Variants in SH3YL1 observed in about 807,000 individuals in gnomAD.
SH3YL1 encodes the protein SH3 domain-containing YSC84-like protein 1.
Under a neutral mutation model 45.8 loss-of-function variants are expected in SH3YL1, and 41 were observed. That is an observed-to-expected ratio of 0.89 (90% CI 0.70 to 1.16). SH3YL1 has a LOEUF of 1.16. Among genes scored for constraint, SH3YL1 ranks in the 50% most tolerant of loss-of-function variants. The pLI, the probability that SH3YL1 is intolerant of heterozygous loss-of-function variation, is 0.00. For missense variants in SH3YL1, 389 were observed against 409.6 expected, an observed-to-expected ratio of 0.95 and a Z score of 0.43; for synonymous variants, 152 against 151.4, an observed-to-expected ratio of 1.00 and a Z score of -0.03.
intron 1 of SH3YL1, among the ~76,000 whole-genome samples, chr2:258,838 G>A (rs1572182953): frequency 2.0e-5 from 3 of 152,300 alleles, no homozygotes; most frequent in Admixed American, 2.0e-4. Flanking sequence ...AGTTGTTCTT[G>A]CCTGCTTTGC....
chr2:219,025 C>G (rs1330898597), intron 9 of SH3YL1, 24 bp from the exon 10 acceptor site: 2 of 1,587,586 alleles, frequency 1.3e-6, no homozygotes, highest in Non-Finnish European at 1.7e-6. Flanking sequence ...AAAGTATTCA[C>G]GTTTATGTTC....
chr2:230,124 G>C (rs566778645), intron 7 of SH3YL1, 80 bp from the exon 8 acceptor site: 1 of 1,076,538 alleles, frequency 9.3e-7, no homozygotes, highest in African/African-American at 1.6e-5. Context: ...TTTCTAATGA[G>C]GTTATGTAGC....
chr2:226,367 A>G (rs1055024418), intron 8 of SH3YL1, among the ~76,000 whole-genome samples: 1 of 152,222 alleles, frequency 6.6e-6, no homozygotes, highest in African/African-American at 2.4e-5. Flanking sequence ...CCCAATAGGA[A>G]AAATAGACCA....
chr2:231,294 T>C (rs1349104036), intron 6 of SH3YL1, 103 bp from the exon 7 acceptor site: 5 of 838,714 alleles, frequency 6.0e-6, no homozygotes, highest in Non-Finnish European at 9.1e-6. Flanking sequence ...TAATCATTCA[T>C]ACATAGCACT....
At chr2:243,285 A>G (rs1365472176) in intron 4 of SH3YL1, among the ~76,000 whole-genome samples, 1 of 152,212 alleles carries the variant, frequency 6.6e-6, no homozygotes, top group Non-Finnish European at 1.5e-5. Flanking sequence ...AGGCCATAAA[A>G]GAAGCCTTAA....
intron 8 of SH3YL1, among the ~76,000 whole-genome samples, chr2:226,326 C>T (rs1373355423): frequency 6.6e-6 from 1 of 152,134 alleles, no homozygotes; most frequent in African/African-American, 2.4e-5. Context: ...ATATAGATAA[C>T]ATTTCCATAA....
intron 8 of SH3YL1, among the ~76,000 whole-genome samples, chr2:226,933 A>G (rs3791221): frequency 0.3 from 45,954 of 151,936 alleles, 7,205 homozygotes; most frequent in Non-Finnish European, 0.35. Flanking sequence ...CATATGGTGG[A>G]TAGTAACCAT....
chr2:237,546 C>T (rs1317142149), intron 4 of SH3YL1, among the ~76,000 whole-genome samples: 1 of 152,044 alleles, frequency 6.6e-6, no homozygotes, highest in African/African-American at 2.4e-5. Flanking sequence ...GATAAGACTT[C>T]TTTAGAAGTC....
chr2:256,979 G>A (rs1461439070), intron 1 of SH3YL1, among the ~76,000 whole-genome samples: 1 of 152,176 alleles, frequency 6.6e-6, no homozygotes, highest in Non-Finnish European at 1.5e-5. Context: ...GATGACTAAT[G>A]ATGTTGAACA....
chr2:224,976 A>C, intron 8 of SH3YL1, 56 bp from the exon 9 acceptor site: 5 of 1,338,708 alleles, frequency 3.7e-6, no homozygotes, highest in Non-Finnish European at 5.3e-6. Context: ...ATATCATACA[A>C]AATACACAAA....
chr2:241,254 AAAGTACATT>A (rs1464316099), intron 4 of SH3YL1: 1 of 152,178 alleles, frequency 6.6e-6, no homozygotes, highest in Non-Finnish European at 1.5e-5. Flanking sequence ...CTGGAGGTAA[AAAGTACATT>A]AAGCAACATG....
upstream of SH3YL1, chr2:264,782 C>T (rs1177451234): frequency 1.4e-5 from 9 of 621,818 alleles, no homozygotes; most frequent in Admixed American, 3.7e-5. Flanking sequence ...GTCCTACTAC[C>T]GTCATAGGAC....
At chr2:225,053 T>C in intron 8 of SH3YL1, 133 bp from the exon 9 acceptor site, 1 of 713,362 alleles carries the variant, frequency 1.4e-6, no homozygotes, top group Non-Finnish European at 2.5e-6. Flanking sequence ...CATCATCATT[T>C]GATTGCGCTT....
rs75107646 is a variant in SH3YL1, at chr2:226,856, G to A, written c.782-1936C>T. On this transcript the variant is annotated intron_variant, in intron 8 of 9. Transcript: ENST00000356150. ...TATATGGTTAGGATTGCACATGGTC[G>A]GTAGTATACACGGTACAGAATATGG... Among the ~76,000 whole-genome samples, 115 of 151,908 alleles carry A rather than the reference G, an allele frequency of 7.6e-4. 2 individuals carry two copies. In the East Asian group the frequency reaches 0.017, roughly 23 times the overall value.
chr2:264,203 C>T (rs1272929360), upstream of SH3YL1: 5 of 554,058 alleles, frequency 9.0e-6, no homozygotes, highest in African/African-American at 6.0e-5. Context: ...CGGAACCGCC[C>T]CGTCCTCAAG....
At chr2:242,957 A>G in intron 4 of SH3YL1, 1 of 781,660 alleles carries the variant, frequency 1.3e-6, no homozygotes, top group Non-Finnish European at 1.8e-6. Context: ...AAAGAGATAT[A>G]ACAATTATAA....
rs542961273 is a variant in SH3YL1 at position 247,010 on chromosome 2, C to T, written c.291+528G>A. Among the ~76,000 whole-genome samples the T allele has an allele frequency of 1.3e-5, 2 of 152,152 alleles. 1 individual carries two copies. Among genetic ancestry groups the T allele is most frequent in the Non-Finnish European group, 2.9e-5 (2 of 68,028 alleles). ...GATGAGCATCAGCCCTAAGAGGATC[C>T]CCGTGTAGGAGGCCTCTGTGAGTGT... On this transcript the variant is annotated intron_variant, in intron 4 of 9. Coordinates refer to ENST00000356150, the MANE Select transcript of SH3YL1 (RefSeq NM_015677.4).
intron 1 of SH3YL1, 85 bp from the exon 2 acceptor site, chr2:253,200 C>T (rs953824088): frequency 3.7e-6 from 3 of 818,650 alleles, no homozygotes; most frequent in Non-Finnish European, 1.9e-6. Flanking sequence ...TTCTCATATA[C>T]AATTGTCAGA....
At chr2:230,563 A>T (rs550422392) in intron 7 of SH3YL1, 1 of 200,990 alleles carries the variant, frequency 5.0e-6, no homozygotes, top group African/African-American at 2.3e-5. Flanking sequence ...GCCTAGGCTG[A>T]GTGCAATGGC....
Sources: allele counts gnomAD v4.1 joint callset (sites outside exome capture counted in the v4.1 genomes callset), GRCh38; gene constraint gnomAD v4.1.1; transcripts MANE v1.5; gene names NCBI Gene and HGNC (gene_info 2026-07-23, HGNC 2026-07-21).